The following COL13A1 variants were observed in gnomAD, a reference collection of about 807,000 sequenced individuals.
The protein encoded by COL13A1 is collagen alpha-1(XIII) chain.
COL13A1 carries 89 observed loss-of-function variants against 130.9 expected under a neutral mutation model. That is an observed-to-expected ratio of 0.68 (90% CI 0.57 to 0.81). COL13A1 has a LOEUF of 0.81. COL13A1 is among the 30% of genes least tolerant of loss of function. The probability of loss-of-function intolerance (pLI) is 0.00; values close to 1 mark genes in which losing one functional copy is unlikely to be tolerated. For synonymous variants in COL13A1, 402 were observed against 341.6 expected (o/e 1.18, Z -1.95); for missense variants, 879 against 934.6 (o/e 0.94, Z 0.78).
At chr10:69,809,541 C>G (rs1005747701) in intron 1 of COL13A1, among the ~76,000 whole-genome samples, 1 of 152,210 alleles carries the variant, frequency 6.6e-6, no homozygotes, top group African/African-American at 2.4e-5. Context: ...CATGGTCACA[C>G]AGTAAGTGAG....
chr10:69,951,929 G>A (rs544181970), intron 38 of COL13A1, among the ~76,000 whole-genome samples: 19 of 152,258 alleles, frequency 1.2e-4, no homozygotes, highest in African/African-American at 4.6e-4. Flanking sequence ...CCCCTTTTTA[G>A]GAAACACATA....
rs185967858 is a variant in COL13A1 at position 69,888,462 on chromosome 10, G to T, written c.576+132G>T. On this transcript the variant is annotated intron_variant, in intron 9 of 40. Transcript: ENST00000645393. ...GTCCTGGGGCTGAAGGTTGTCACTA[G>T]TGGGAAGTGGAGGGGGCCATTTGAG... 7.3e-5 allele frequency: 96 copies of T among 1,311,838 alleles called. 1 individual carries two copies. In the East Asian group the frequency reaches 1.7e-3, roughly 24 times the overall value. 81.3% of individuals were successfully genotyped at this position (1,311,838 alleles called of 1,614,324 possible).
At chr10:69,908,908 T>G (rs1213994516) in intron 17 of COL13A1, among the ~76,000 whole-genome samples, 1 of 149,712 alleles carries the variant, frequency 6.7e-6, no homozygotes, top group Non-Finnish European at 1.5e-5. Context: ...TAATTCCAGC[T>G]CCAGAAGAGG....
chr10:69,822,408 A>G lies in COL13A1; in HGVS notation c.334A>G (p.Lys112Glu). Residue 112 changes from lysine (K) to glutamate (E), a missense_variant, in exon 2 of 41, where the codon AAG (lysine) becomes GAG (glutamate). Coordinates refer to ENST00000645393, the MANE Select transcript of COL13A1 (RefSeq NM_001368882.1). ...LHSRRRREAP[K>E]TSPGCNCPPG... ...CTCAAGGAGGCGCCGGGAGGCCCCA[A>G]AGACATCTCCAGGATGTAACTGCCC... 1.3e-6 allele frequency: 2 copies of G among 1,595,162 alleles called. No individual in the cohort carries two copies. The highest frequency in any genetic ancestry group is 1.7e-6 in the Non-Finnish European group (2 of 1,171,114).
intron 27 of COL13A1, among the ~76,000 whole-genome samples, 154 bp downstream of exon 27, chr10:69,927,264 G>T (rs960393396): frequency 2.0e-5 from 3 of 152,124 alleles, no homozygotes; most frequent in Non-Finnish European, 2.9e-5. Context: ...ATGATGATCT[G>T]AGCTGGAGGT....
chr10:69,829,378 G>T (rs766130182), intron 2 of COL13A1: 19 of 552,438 alleles, frequency 3.4e-5, no homozygotes, highest in Non-Finnish European at 4.1e-5. Context: ...CCCTAACACA[G>T]CTTGTTACCT....
intron 3 of COL13A1, among the ~76,000 whole-genome samples, chr10:69,871,343 C>G (rs80159538): frequency 0.092 from 14,049 of 152,226 alleles, 817 homozygotes; most frequent in Middle Eastern, 0.15. Context: ...TGCTGAGGCA[C>G]TGGGGACACA....
chr10:69,925,702 G>A (rs1458286216), intron 25 of COL13A1, 102 bp from the exon 26 acceptor site: 3 of 803,956 alleles, frequency 3.7e-6, no homozygotes, highest in Non-Finnish European at 6.2e-6. Flanking sequence ...CCACCCATGT[G>A]CAGCTAGGTG....
At chr10:69,879,396 C>A in intron 6 of COL13A1, 1 of 152,178 alleles carries the variant, frequency 6.6e-6, no homozygotes, top group East Asian at 1.9e-4. Flanking sequence ...TATCTGTATC[C>A]TTACAGATGA....
intron 2 of COL13A1, chr10:69,829,127 G>A (rs750345686): frequency 1.7e-6 from 1 of 573,366 alleles, no homozygotes; most frequent in Non-Finnish European, 2.2e-6. Flanking sequence ...CCATGACCTG[G>A]GCTTCAGGCT....
At chr10:69,852,653 GC>G (rs1189302544) in intron 2 of COL13A1, among the ~76,000 whole-genome samples, 2 of 152,280 alleles carry the variant, frequency 1.3e-5, no homozygotes, top group Non-Finnish European at 2.9e-5. Flanking sequence ...CCTCTGACGA[GC>G]CTTGCAGCCC....
At chr10:69,845,761 A>G (rs1029348198) in intron 2 of COL13A1, among the ~76,000 whole-genome samples, 4 of 152,234 alleles carry the variant, frequency 2.6e-5, no homozygotes, top group Non-Finnish European at 4.4e-5. Flanking sequence ...CCTGCAGCAG[A>G]ATCACCTAGT....
intron 2 of COL13A1, among the ~76,000 whole-genome samples, chr10:69,837,792 A>G (rs1442836350): frequency 1.7e-5 from 2 of 117,568 alleles, no homozygotes; most frequent in Non-Finnish European, 3.8e-5. Context: ...CCTGCCAAAT[A>G]AATAAATAAA....
chr10:69,916,191 C>T (rs939385600), intron 17 of COL13A1, among the ~76,000 whole-genome samples: 1 of 152,192 alleles, frequency 6.6e-6, no homozygotes, highest in Non-Finnish European at 1.5e-5. Context: ...AACACCAGAT[C>T]CCCTCTGCCT....
intron 1 of COL13A1, among the ~76,000 whole-genome samples, chr10:69,809,938 C>T (rs1360284948): frequency 6.6e-6 from 1 of 152,180 alleles, no homozygotes; most frequent in Non-Finnish European, 1.5e-5. Flanking sequence ...AGCAGCAAAT[C>T]TAGGGTTCAG....
intron 13 of COL13A1, chr10:69,897,675 G>A (rs1341091751): frequency 5.2e-6 from 5 of 966,782 alleles, no homozygotes; most frequent in East Asian, 2.7e-5. Flanking sequence ...GGCAGCAGCT[G>A]TGACCTGGAA....
chr10:69,886,859 C>T (rs901089740), intron 7 of COL13A1, among the ~76,000 whole-genome samples: 5 of 152,184 alleles, frequency 3.3e-5, no homozygotes, highest in Non-Finnish European at 7.3e-5. Flanking sequence ...GCACTCTGCA[C>T]CTCCAGGAAA....
At chr10:69,839,396 T>TCCC (rs200203226) in intron 2 of COL13A1, among the ~76,000 whole-genome samples, 301 of 152,034 alleles carry the variant, frequency 2.0e-3, no homozygotes, top group South Asian at 7.7e-3. Context: ...TTTAAAGGAT[T>TCCC]CCCCCCACGG....
At position 69,937,643 on chromosome 10, in the gene COL13A1, A is replaced by G. The variant is rs1430291768; in HGVS notation, c.1806A>G (p.Ala602=). 2.0e-6 allele frequency: 3 copies of G among 1,520,842 alleles called. No individual in the cohort carries two copies. Among genetic ancestry groups the G allele is most frequent in the Non-Finnish European group, 2.7e-6 (3 of 1,094,980 alleles). The allele number at this position is 1,520,842 out of a possible 1,614,324, so 94.2% of individuals were successfully genotyped here. A position where few individuals can be genotyped will look rare whatever the true frequency, so the allele number is the denominator to read the frequency against. ...LQGVPGPKGE[A]GLDGAKGEKG... ...CTCTCCCTTTCCTCCAGGGGGAAGC[A>G]GGACTAGATGGAGCAAAAGGAGAGA... is the stretch of plus-strand genomic sequence containing the variant. Residue 602 remains alanine, a synonymous_variant, in exon 34 of 41, where the codon GCA becomes GCG. Transcript: ENST00000645393.
Sources: gnomAD v4.1 joint callset for allele counts (sites outside exome capture counted in the v4.1 genomes callset) on GRCh38, gnomAD v4.1.1 for gene constraint, MANE v1.5 for transcripts, NCBI Gene and HGNC (gene_info 2026-07-23, HGNC 2026-07-21) for gene names.